The following ANXA6 variants were observed in gnomAD, a reference collection of about 807,000 sequenced individuals.
ANXA6 encodes annexin A6.
Under a neutral mutation model 95.4 loss-of-function variants are expected in ANXA6, and 71 were observed. That is an observed-to-expected ratio of 0.74 (90% CI 0.61 to 0.91). The LOEUF is 0.91. Among genes scored for constraint, ANXA6 ranks in the 40% least tolerant of loss-of-function variants. ANXA6 has a pLI of 0.00. For missense variants in ANXA6, 830 were observed against 876.4 expected, an observed-to-expected ratio of 0.95 and a Z score of 0.67; for synonymous variants, 289 against 315.9, an observed-to-expected ratio of 0.91 and a Z score of 0.90.
chr5:151,145,889 A>G (rs1294524027), intron 2 of ANXA6, among the ~76,000 whole-genome samples: 2 of 151,716 alleles, frequency 1.3e-5, no homozygotes, highest in Non-Finnish European at 2.9e-5. Context: ...TGCCTAGACC[A>G]CTCTGAGCCC....
At chr5:151,119,511 C>A (rs1459735871) in intron 17 of ANXA6, 121 bp from the exon 18 acceptor site, 6 of 807,546 alleles carry the variant, frequency 7.4e-6, no homozygotes, top group Middle Eastern at 3.4e-4. Context: ...CACCTCCAGA[C>A]ATGGCCCTCA....
chr5:151,138,728 T>G lies in ANXA6; in HGVS notation c.268A>C (p.Met90Leu). 1.2e-6 allele frequency: 2 copies of G among 1,613,962 alleles called. No individual in the cohort carries two copies. Among genetic ancestry groups the G allele is most frequent in the East Asian group, 2.2e-5 (1 of 44,890 alleles). Residue 90 changes from methionine (M) to leucine (L), a missense_variant, in exon 5 of 26, where the codon ATG (methionine) becomes CTG (leucine). By Grantham distance (15) the Met-to-Leu change is conservative. Transcript: ENST00000354546. ...GKFERLIVGL[M>L]RPPAYCDAKE... ...GCATCACAATAGGCAGGTGGCCTCA[T>G]CAGGCCCACAATCAACCGTTCAAAC...
intron 24 of ANXA6, among the ~76,000 whole-genome samples, chr5:151,103,945 G>A (rs994000649): frequency 2.0e-5 from 3 of 152,202 alleles, no homozygotes; most frequent in Non-Finnish European, 4.4e-5. Flanking sequence ...AGAACATGAT[G>A]TAATTTGGAA....
rs1764824068 is a variant in ANXA6 at position 151,110,656 on chromosome 5, GA to G, written c.1573-13del. 6.2e-7 allele frequency: 1 copy of G among 1,613,244 alleles called. No individual in the cohort carries two copies. The highest frequency in any genetic ancestry group is 1.3e-5 in the African/African-American group (1 of 74,882). Reference sequence around the variant, plus strand: ...ATCTCAGCAGCCACCTGAGAGCAGGGAGGGGAGAGAGGAGGGAGAGAAGGGA... The same window carrying G: ...ATCTCAGCAGCCACCTGAGAGCAGGGGGGGAGAGAGGAGGGAGAGAAGGGA... On this transcript the variant is annotated splice_polypyrimidine_tract_variant and intron_variant, in intron 20 of 25. Transcript: ENST00000354546.
At chr5:151,124,233 C>T (rs1765249824) in intron 15 of ANXA6, 53 bp downstream of exon 15, 4 of 1,543,052 alleles carry the variant, frequency 2.6e-6, no homozygotes, top group Non-Finnish European at 2.7e-6. Context: ...CGGCCAAACC[C>T]ACCACACCTG....
intron 13 of ANXA6, among the ~76,000 whole-genome samples, chr5:151,127,060 A>G (rs1157629003): frequency 1.3e-5 from 2 of 152,250 alleles, no homozygotes; most frequent in African/African-American, 2.4e-5. Context: ...GCAGAGTCCA[A>G]GCAGGATAGG....
At chr5:151,153,122 A>G (rs147599825) in intron 1 of ANXA6, among the ~76,000 whole-genome samples, 1 of 152,200 alleles carries the variant, frequency 6.6e-6, no homozygotes, top group East Asian at 1.9e-4. Context: ...AGTCGAGGCC[A>G]TTGGTTCTCC....
At chr5:151,118,400 T>C (rs1765065671) in intron 18 of ANXA6, among the ~76,000 whole-genome samples, 1 of 152,096 alleles carries the variant, frequency 6.6e-6, no homozygotes. Context: ...TAGCTGGGAC[T>C]ATAGGCACAT....
At chr5:151,130,295 C>T (rs944342460) in intron 11 of ANXA6, among the ~76,000 whole-genome samples, 28 of 151,302 alleles carry the variant, frequency 1.9e-4, no homozygotes, top group Non-Finnish European at 4.0e-4. Flanking sequence ...AGTACAGTGG[C>T]GTGATCACAT....
chr5:151,129,437 C>T lies in ANXA6; in HGVS notation c.888G>A (p.Lys296=). 1.9e-6 allele frequency: 3 copies of T among 1,613,532 alleles called. No individual in the cohort carries two copies. Among genetic ancestry groups the T allele is most frequent in the East Asian group, 2.2e-5 (1 of 44,884 alleles). Residue 296 remains lysine, a synonymous_variant, in exon 12 of 26, where the codon AAG becomes AAA. Coordinates refer to ENST00000354546, the MANE Select transcript of ANXA6 (RefSeq NM_001155.5). ...MLDIREIFRT[K]YEKSLYSMIK... is the part of the protein sequence containing the mutation. ...TCATGCTGTAGAGGGACTTCTCATA[C>T]TTGGTCCGGAAGATCTCCCGAATGT...
At chr5:151,139,864 G>A (rs1765777536) in intron 3 of ANXA6, among the ~76,000 whole-genome samples, 1 of 152,120 alleles carries the variant, frequency 6.6e-6, no homozygotes, top group Non-Finnish European at 1.5e-5. Context: ...AAAGGCAGCG[G>A]GCGGCATTAT....
At chr5:151,136,993 C>T (rs1361842022) in intron 6 of ANXA6, among the ~76,000 whole-genome samples, 2 of 151,948 alleles carry the variant, frequency 1.3e-5, no homozygotes, top group South Asian at 2.1e-4. Flanking sequence ...TGTGTGTCTC[C>T]TTCATTATCT....
chr5:151,136,362 C>A, intron 6 of ANXA6, 27 bp from the exon 7 acceptor site: 2 of 1,612,190 alleles, frequency 1.2e-6, no homozygotes, highest in Non-Finnish European at 1.7e-6. Flanking sequence ...AAGCTCTAGT[C>A]TCATCCCCAG....
At chr5:151,110,802 AG>A (rs1018701079) in intron 20 of ANXA6, among the ~76,000 whole-genome samples, 158 bp from the exon 21 acceptor site, 1 of 152,114 alleles carries the variant, frequency 6.6e-6, no homozygotes, top group African/African-American at 2.4e-5. Context: ...TGCGAAAGGA[AG>A]GGGGGTAGGG....
intron 20 of ANXA6, among the ~76,000 whole-genome samples, chr5:151,111,306 GA>G (rs1764840906): frequency 6.6e-6 from 1 of 152,210 alleles, no homozygotes; most frequent in Non-Finnish European, 1.5e-5. Flanking sequence ...GAGAGCCTGG[GA>G]ACAAAATACC....
Position 151,101,461 on chromosome 5 carries a change from C to T in ANXA6, c.2009G>A (p.Gly670Asp), listed in dbSNP as rs200735957. The change falls in exon 26 of 26, where the codon GGT becomes GAT. Residue 670 changes from glycine to aspartate, a missense_variant. Physicochemically the swap from Gly to Asp is moderately conservative, Grantham distance 94. Transcript: ENST00000354546. ...AAAGCTGTGGCCCTAGTCCTCACCA[C>T]CACAGAGAGCCAGCAAGGCCTTCAG... ...DFLKALLALC[G>D]GED 1,279 of 1,559,842 alleles carry T rather than the reference C, an allele frequency of 8.2e-4. 1 individual carries two copies. The highest frequency in any genetic ancestry group is 1.0e-3 in the Non-Finnish European group (1,195 of 1,151,912).
intron 18 of ANXA6, among the ~76,000 whole-genome samples, chr5:151,118,662 G>C (rs1765075487): frequency 6.6e-6 from 1 of 152,104 alleles, no homozygotes; most frequent in Admixed American, 6.5e-5. Flanking sequence ...TTGAACTTCT[G>C]ACCTCAAGGG....
At chr5:151,134,205 G>A (rs935325529) in intron 8 of ANXA6, among the ~76,000 whole-genome samples, 18 of 152,156 alleles carry the variant, frequency 1.2e-4, no homozygotes, top group Admixed American at 3.9e-4. Context: ...AAGCTCCAAA[G>A]TACACCTCAC....
At chr5:151,114,662 T>C (rs1764946916) in intron 20 of ANXA6, among the ~76,000 whole-genome samples, 1 of 143,150 alleles carries the variant, frequency 7.0e-6, no homozygotes, top group African/African-American at 2.6e-5. Context: ...GTATTGATTA[T>C]CTAAAAATGA....
Sources: gnomAD v4.1 joint callset for allele counts (sites outside exome capture counted in the v4.1 genomes callset) on GRCh38, gnomAD v4.1.1 for gene constraint, MANE v1.5 for transcripts, NCBI Gene and HGNC (gene_info 2026-07-23, HGNC 2026-07-21) for gene names.